Variants in ADAMTSL1 observed in about 807,000 individuals in gnomAD.
ADAMTSL1 encodes ADAMTS-like protein 1.
Under a neutral mutation model 201.8 loss-of-function variants are expected in ADAMTSL1, and 126 were observed. The ratio of observed to expected loss-of-function variants is 0.62; its 90% CI spans 0.54 to 0.72. The LOEUF (loss-of-function observed/expected upper bound fraction) is 0.72. Among genes scored for constraint, ADAMTSL1 ranks in the 30% least tolerant of loss-of-function variants. The probability of loss-of-function intolerance (pLI) is 0.00; values close to 1 mark genes in which losing one functional copy is unlikely to be tolerated. For synonymous variants in ADAMTSL1, 1,121 were observed against 903.4 expected, an observed-to-expected ratio of 1.24 and a Z score of -4.32; for missense variants, 2,679 against 2,277.8, an observed-to-expected ratio of 1.18 and a Z score of -3.59.
At chr9:18,355,564 C>T (rs1020911093) in intron 2 of ADAMTSL1, among the ~76,000 whole-genome samples, 12 of 152,114 alleles carry the variant, frequency 7.9e-5, no homozygotes, top group African/African-American at 2.9e-4. Flanking sequence ...GATAAAAATA[C>T]ATATAGTATC....
At chr9:17,947,050 C>T (rs960833498) in intron 1 of ADAMTSL1, among the ~76,000 whole-genome samples, 1 of 151,926 alleles carries the variant, frequency 6.6e-6, no homozygotes, top group Admixed American at 6.6e-5. Context: ...CACTGCCTGG[C>T]AGAGGCATGT....
intron 2 of ADAMTSL1, among the ~76,000 whole-genome samples, chr9:18,436,538 A>C (rs185759352): frequency 1.1e-4 from 16 of 152,264 alleles, no homozygotes; most frequent in Middle Eastern, 3.4e-3. Context: ...TCCTTCAAAC[A>C]GTATTCTGCA....
intron 1 of ADAMTSL1, among the ~76,000 whole-genome samples, chr9:18,115,483 A>T (rs117285455): frequency 0.02 from 3,077 of 152,300 alleles, 42 homozygotes; most frequent in Middle Eastern, 0.075. Flanking sequence ...AAAAGCTATT[A>T]AAAATTTGAG....
intron 22 of ADAMTSL1, among the ~76,000 whole-genome samples, chr9:18,828,669 TATATATATATATATATATATATATAA>T: frequency 2.5e-5 from 2 of 79,992 alleles, no homozygotes; most frequent in Non-Finnish European, 4.7e-5. Flanking sequence ...TTTATATATA[TATATATATATATATATATATATATAA>T]AATGTGTGTG....
rs1195167479 is a variant in ADAMTSL1 at position 18,474,304 on chromosome 9, C to T, written c.63+9C>T. 5.0e-6 allele frequency: 8 copies of T among 1,613,792 alleles called. No individual in the cohort carries two copies. The highest frequency in any genetic ancestry group is 5.9e-6 in the Non-Finnish European group (7 of 1,179,944). Reference sequence around the variant, plus strand: ...TGGCTTTCCTGCTCCTGGTAAATGCCTTTTCATTTCAATGCATTGCTATTG... The same window carrying T: ...TGGCTTTCCTGCTCCTGGTAAATGCTTTTTCATTTCAATGCATTGCTATTG... On this transcript the variant is annotated intron_variant, in intron 1 of 28. Coordinates refer to ENST00000380548, the MANE Select transcript of ADAMTSL1 (RefSeq NM_001040272.6).
chr9:18,660,265 G>A (rs1450423621), intron 8 of ADAMTSL1, among the ~76,000 whole-genome samples: 1 of 152,212 alleles, frequency 6.6e-6, no homozygotes, highest in Non-Finnish European at 1.5e-5. Flanking sequence ...ATGTACTGAA[G>A]TTACCAGCTT....
intron 4 of ADAMTSL1, among the ~76,000 whole-genome samples, chr9:18,593,163 A>G (rs1032482897): frequency 6.6e-6 from 1 of 152,158 alleles, no homozygotes; most frequent in African/African-American, 2.4e-5. Flanking sequence ...ATCTGCAAAC[A>G]AGGATAATTT....
intron 1 of ADAMTSL1, among the ~76,000 whole-genome samples, chr9:18,146,586 G>A (rs1826655537): frequency 6.6e-6 from 1 of 152,088 alleles, no homozygotes; most frequent in Non-Finnish European, 1.5e-5. Context: ...TAAAACACAG[G>A]GGACTTTTTA....
At chr9:18,746,305 C>T (rs1819141583) in intron 15 of ADAMTSL1, among the ~76,000 whole-genome samples, 1 of 152,148 alleles carries the variant, frequency 6.6e-6, no homozygotes, top group Non-Finnish European at 1.5e-5. Context: ...GCATCCTAGA[C>T]CCTGTACGTG....
chr9:18,482,438 G>T (rs1177681995), intron 1 of ADAMTSL1, among the ~76,000 whole-genome samples: 1 of 152,136 alleles, frequency 6.6e-6, no homozygotes, highest in Non-Finnish European at 1.5e-5. Context: ...CCATTCTCCA[G>T]CTAAAGCTTT....
At chr9:18,512,332 A>G (rs1818085962) in intron 2 of ADAMTSL1, among the ~76,000 whole-genome samples, 1 of 152,162 alleles carries the variant, frequency 6.6e-6, no homozygotes, top group South Asian at 2.1e-4. Context: ...GGTTTATCCC[A>G]TAAGCCAATT....
At chr9:18,893,756 A>G (rs1410128428) in intron 26 of ADAMTSL1, among the ~76,000 whole-genome samples, 2 of 152,246 alleles carry the variant, frequency 1.3e-5, no homozygotes, top group Non-Finnish European at 2.9e-5. Flanking sequence ...TCAAACCTCC[A>G]CATTCCACTC....
intron 26 of ADAMTSL1, among the ~76,000 whole-genome samples, chr9:18,898,083 G>A (rs1290894569): frequency 6.6e-6 from 1 of 152,056 alleles, no homozygotes; most frequent in African/African-American, 2.4e-5. Context: ...CAACTACTCG[G>A]GAGGCTGAGG....
At chr9:18,187,482 T>C (rs1340731869) in intron 2 of ADAMTSL1, among the ~76,000 whole-genome samples, 4 of 152,128 alleles carry the variant, frequency 2.6e-5, no homozygotes, top group Non-Finnish European at 4.4e-5. Context: ...AAGATCTTGA[T>C]AAGATTGCAC....
At chr9:18,150,371 G>C (rs1416980689) in intron 1 of ADAMTSL1, among the ~76,000 whole-genome samples, 2 of 151,964 alleles carry the variant, frequency 1.3e-5, no homozygotes, top group Non-Finnish European at 2.9e-5. Flanking sequence ...TGACCTACTA[G>C]GTCACAATTC....
chr9:18,377,233 T>C (rs1202449214), intron 2 of ADAMTSL1, among the ~76,000 whole-genome samples: 1 of 152,254 alleles, frequency 6.6e-6, no homozygotes, highest in East Asian at 1.9e-4. Flanking sequence ...TATGGACTTC[T>C]AATCTGTAAA....
intron 2 of ADAMTSL1, among the ~76,000 whole-genome samples, chr9:18,200,761 A>G (rs1829410460): frequency 6.6e-6 from 1 of 152,076 alleles, no homozygotes; most frequent in Non-Finnish European, 1.5e-5. Context: ...TGTATATAAA[A>G]TAAAATACAG....
intron 9 of ADAMTSL1, 141 bp from the exon 10 acceptor site, chr9:18,675,716 C>A: frequency 2.8e-6 from 2 of 722,452 alleles, no homozygotes; most frequent in Non-Finnish European, 4.5e-6. Context: ...AGATATAAAA[C>A]TGTTTTAGTG....
chr9:18,379,262 T>C (rs776142106), intron 2 of ADAMTSL1, among the ~76,000 whole-genome samples: 66 of 152,206 alleles, frequency 4.3e-4, no homozygotes, highest in Non-Finnish European at 8.2e-4. Context: ...AGGAAACAGA[T>C]GGATTTCAAA....
Sources: allele counts gnomAD v4.1 joint callset (sites outside exome capture counted in the v4.1 genomes callset), GRCh38; gene constraint gnomAD v4.1.1; transcripts MANE v1.5; gene names NCBI Gene and HGNC (gene_info 2026-07-23, HGNC 2026-07-21).